The following PLEKHH1 variants were observed in gnomAD, a reference collection of about 807,000 sequenced individuals.
PLEKHH1 encodes pleckstrin homology, MyTH4 and FERM domain containing H1.
In PLEKHH1, 104 loss-of-function variants were observed where a neutral mutation model predicts 160.0. The observed-to-expected ratio is 0.65, with a 90% CI of 0.55 to 0.76. PLEKHH1 has a LOEUF of 0.76. Among genes scored for constraint, PLEKHH1 ranks in the 30% least tolerant of loss-of-function variants. The pLI, the probability that PLEKHH1 is intolerant of heterozygous loss-of-function variation, is 0.00. For synonymous variants in PLEKHH1, 619 were observed against 678.4 expected, an observed-to-expected ratio of 0.91 and a Z score of 1.36; for missense variants, 1,427 against 1,724.1, an observed-to-expected ratio of 0.83 and a Z score of 3.05.
Position 67,578,672 on chromosome 14 carries a change from C to T in PLEKHH1, c.2849+41C>T, listed in dbSNP as rs754595543. On this transcript the variant is annotated intron_variant, in intron 20 of 28. Transcript: ENST00000329153. The surrounding 1 kb of genome is among the most constrained non-coding windows in gnomAD (Gnocchi z 5.0). ...CGTTTCCTCTGCCACTTGAGCACTG[C>T]CAACTGCCGCATGAATAAGAGGGAT... is the stretch of plus-strand genomic sequence containing the variant. The T allele has an allele frequency of 9.7e-6, 12 of 1,231,584 alleles. No individual in the cohort carries two copies. Among genetic ancestry groups the T allele is most frequent in the Admixed American group, 2.0e-5 (1 of 51,148 alleles). 76.3% of individuals were successfully genotyped at this position (1,231,584 alleles called of 1,614,324 possible).
In PLEKHH1 at chr14:67,574,938, G is replaced by A. The variant is rs1473205915; in HGVS notation, c.2089-454G>A. 6.6e-6 allele frequency among the ~76,000 whole-genome samples: 1 copy of A among 152,202 alleles called. No individual in the cohort carries two copies. Among genetic ancestry groups the A allele is most frequent in the African/African-American group, 2.4e-5 (1 of 41,440 alleles). ...ACTTGCACTCAGCAAGCTCAGGGCT[G>A]GCAGGCTCGCTGTGTGGCTCTGCTT... On this transcript the variant is annotated intron_variant, in intron 14 of 28. Coordinates refer to ENST00000329153, the MANE Select transcript of PLEKHH1 (RefSeq NM_020715.3). This position sits in a 1 kb window ranked among gnomAD's most constrained non-coding sequence, Gnocchi z 4.2.
intron 4 of PLEKHH1, among the ~76,000 whole-genome samples, chr14:67,558,300 C>T (rs2034677680): frequency 6.6e-6 from 1 of 152,192 alleles, no homozygotes; most frequent in African/African-American, 2.4e-5. Context: ...CATGCCTTCT[C>T]CATGTAGGAG....
At chr14:67,550,972 A>G (rs185188529) in intron 2 of PLEKHH1, among the ~76,000 whole-genome samples, 186 of 152,372 alleles carry the variant, frequency 1.2e-3, no homozygotes, top group Admixed American at 2.0e-3. Context: ...ATGCATGTAC[A>G]GTGCTTATGA....
Position 67,580,937 on chromosome 14 carries a change from G to A in PLEKHH1, c.3184-1G>A, listed in dbSNP as rs1222931519. 1 of 1,606,176 alleles carries A rather than the reference G, an allele frequency of 6.2e-7. No homozygotes were observed. The highest frequency in any genetic ancestry group is 1.1e-5 in the South Asian group (1 of 90,926). On this transcript the variant is annotated splice_acceptor_variant, in intron 22 of 28. Transcript: ENST00000329153. LOFTEE classifies it high-confidence loss of function. ...TGACTTTCTTCTTTTGCCTTTTCAA[G>A]ATCTGTGATGCCATCTCCAAGTGGG...
chr14:67,535,810 C>G (rs1457475297), intron 1 of PLEKHH1, among the ~76,000 whole-genome samples: 1 of 152,200 alleles, frequency 6.6e-6, no homozygotes, highest in African/African-American at 2.4e-5. Context: ...GTAATATCTC[C>G]TTTAATTCTC....
intron 28 of PLEKHH1, chr14:67,586,861 A>C (rs1443737039): frequency 8.6e-6 from 13 of 1,510,486 alleles, no homozygotes; most frequent in Non-Finnish European, 8.8e-7. Context: ...GGCACTGTGC[A>C]TCTGAGAGGA....
chr14:67,573,400 C>T lies in PLEKHH1; in HGVS notation c.1839+14C>T, dbSNP rs754452208. ...TACAAGTCCCCGGTGAGAGTCTCCC[C>T]GCCCAGCACTGCAGTCAAAAGGTCT... On this transcript the variant is annotated intron_variant, in intron 12 of 28. Transcript: ENST00000329153. The surrounding 1 kb of genome is among the most constrained non-coding windows in gnomAD (Gnocchi z 4.8). 12 of 1,448,440 alleles carry T rather than the reference C, an allele frequency of 8.3e-6. No homozygotes were observed. Among genetic ancestry groups the T allele is most frequent in the East Asian group, 6.8e-5 (3 of 44,130 alleles). The allele number at this position is 1,448,440 out of a possible 1,614,324, so 89.7% of individuals were successfully genotyped here. A position where few individuals can be genotyped will look rare whatever the true frequency, so the allele number is the denominator to read the frequency against.
intron 2 of PLEKHH1, among the ~76,000 whole-genome samples, chr14:67,546,390 G>GTTTTGT (rs562112552): frequency 1.3e-4 from 19 of 151,892 alleles, no homozygotes; most frequent in Non-Finnish European, 2.2e-4. Flanking sequence ...TGTGTTTTTT[G>GTTTTGT]TTTTGTTTTT....
rs2035381993 is a variant in PLEKHH1, at chr14:67,571,675, C to T, written c.1435-77C>T. 8 of 1,481,298 alleles carry T rather than the reference C, an allele frequency of 5.4e-6. 1 individual carries two copies. The South Asian group carries it at 5.7e-5, about 11-fold the overall frequency. The allele number at this position is 1,481,298 out of a possible 1,614,324, so 91.8% of individuals were successfully genotyped here. On this transcript the variant is annotated intron_variant, in intron 9 of 28. Transcript: ENST00000329153. ...TTGGCCACACCATGGGCACTTGGAC[C>T]AGGAGTGCAAGCTGCAGGGTTGGGA... is the stretch of plus-strand genomic sequence containing the variant.
rs774656963 is a variant in PLEKHH1, at chr14:67,576,362, G to A, written c.2353-33G>A. The A allele has an allele frequency of 2.6e-5, 32 of 1,246,742 alleles. No individual in the cohort carries two copies. Among genetic ancestry groups the A allele is most frequent in the African/African-American group, 4.4e-5 (3 of 67,772 alleles). The allele number at this position is 1,246,742 out of a possible 1,614,324, so 77.2% of individuals were successfully genotyped here. A position where few individuals can be genotyped will look rare whatever the true frequency, so the allele number is the denominator to read the frequency against. ...CTCTTGCCTCCACTCTTCCCACCCC[G>A]TCCCCATCCGATGGCTTTCCGCCCT... On this transcript the variant is annotated intron_variant, in intron 16 of 28. Coordinates refer to ENST00000329153, the MANE Select transcript of PLEKHH1 (RefSeq NM_020715.3). This position sits in a 1 kb window ranked among gnomAD's most constrained non-coding sequence, Gnocchi z 4.0.
chr14:67,537,971 G>C (rs1480555152), intron 1 of PLEKHH1, among the ~76,000 whole-genome samples: 1 of 152,194 alleles, frequency 6.6e-6, no homozygotes, highest in Non-Finnish European at 1.5e-5. Context: ...TAGCAGGCTG[G>C]GTGCCAGCAG....
intron 2 of PLEKHH1, among the ~76,000 whole-genome samples, chr14:67,555,536 G>A (rs931740625): frequency 6.6e-6 from 1 of 152,136 alleles, no homozygotes; most frequent in Non-Finnish European, 1.5e-5. Context: ...AATGACAGTG[G>A]AGCTGCTGCC....
chr14:67,585,647 A>C lies in PLEKHH1; in HGVS notation c.3779A>C (p.Asn1260Thr), dbSNP rs776435826. 10 of 1,562,190 alleles carry C rather than the reference A, an allele frequency of 6.4e-6. No individual in the cohort carries two copies. The Admixed American group carries it at 1.5e-4, about 23-fold the overall frequency. ...GATGGCGTCAGCATCCTGGACCACA[A>C]CACTATGGTATGAAAGGATGCAGGC... is the stretch of plus-strand genomic sequence containing the variant. The part of the protein sequence containing the change: ...NEDGVSILDH[N>T]TMQVHITYPY... The change falls in exon 27 of 29, where the codon AAC becomes ACC. Residue 1260 changes from asparagine to threonine, a missense_variant. Physicochemically the swap from Asn to Thr is moderately conservative, Grantham distance 65. Around this residue, in one of 6 missense-constraint regions of PLEKHH1, gnomAD observed 56 missense variants for 53.0 expected, o/e 1.06. Transcript: ENST00000329153.
intron 28 of PLEKHH1, chr14:67,586,357 A>G: frequency 7.0e-7 from 1 of 1,425,466 alleles, no homozygotes; most frequent in Non-Finnish European, 9.3e-7. Flanking sequence ...TTTCTTTTTT[A>G]TTCTCTCAAG....
At position 67,588,515 on chromosome 14, in the gene PLEKHH1, T is replaced by C. The variant is rs1198817811; in HGVS notation, c.*1280T>C. The C allele has an allele frequency of 1.3e-5, 2 of 152,140 alleles. No homozygotes were observed. The highest frequency in any genetic ancestry group is 2.9e-5 in the Non-Finnish European group (2 of 68,028). 9.4% of individuals were successfully genotyped at this position (152,140 alleles called of 1,614,324 possible). ...AAAAAGTTTCTTTCATCTTTTGCCT[T>C]ACTGATAATACCATAATCCCCCTCA... is the stretch of plus-strand genomic sequence containing the variant. On this transcript the variant is annotated 3_prime_UTR_variant, in exon 29 of 29. Coordinates refer to ENST00000329153, the MANE Select transcript of PLEKHH1 (RefSeq NM_020715.3).
Position 67,578,309 on chromosome 14 carries a change from G to A in PLEKHH1, c.2751+110G>A, listed in dbSNP as rs1482398342. 5.2e-6 allele frequency: 5 copies of A among 967,162 alleles called. No individual in the cohort carries two copies. In the African/African-American group the frequency reaches 6.4e-5, roughly 12 times the overall value. The allele number at this position is 967,162 out of a possible 1,614,324, so 59.9% of individuals were successfully genotyped here. On this transcript the variant is annotated intron_variant, in intron 19 of 28. Coordinates refer to ENST00000329153, the MANE Select transcript of PLEKHH1 (RefSeq NM_020715.3). This position sits in a 1 kb window ranked among gnomAD's most constrained non-coding sequence, Gnocchi z 5.0. ...GGTATACGGTGAGCCCAGCCAGCGG[G>A]CAGCCTCTGTGCTCCAAGCTGCATC...
At chr14:67,561,905 T>C (rs2034853178) in intron 5 of PLEKHH1, 49 bp from the exon 6 acceptor site, 1 of 1,264,172 alleles carries the variant, frequency 7.9e-7, no homozygotes, top group South Asian at 1.2e-5. Flanking sequence ...AAAATACATC[T>C]AAACCTGTAG....
chr14:67,548,940 C>G (rs990882997), intron 2 of PLEKHH1, among the ~76,000 whole-genome samples: 1 of 152,218 alleles, frequency 6.6e-6, no homozygotes, highest in East Asian at 1.9e-4. Flanking sequence ...TGTTTACTCC[C>G]CTTAAGCAAG....
Position 67,562,754 on chromosome 14 carries a change from G to A in PLEKHH1, c.1123G>A (p.Glu375Lys). The A allele has an allele frequency of 6.2e-7, 1 of 1,613,856 alleles. No individual in the cohort carries two copies. Among genetic ancestry groups the A allele is most frequent in the Non-Finnish European group, 8.5e-7 (1 of 1,179,870 alleles). ...ESRARSREEP[E>K]KMEMEEPPPA... ...CCGAGCTAGGTCCCGGGAGGAACCAGAGAAGATGGAGATGGAGGAGCCACC... is the reference window on the plus strand; with the variant it reads ...CCGAGCTAGGTCCCGGGAGGAACCAAAGAAGATGGAGATGGAGGAGCCACC... The change falls in exon 7 of 29, where the codon GAG becomes AAG. Residue 375 changes from glutamate (E) to lysine (K), a missense_variant. Glu to Lys is a moderately conservative substitution (Grantham distance 56). This residue lies in a region of PLEKHH1 where 831 missense variants were observed against 929.2 expected (regional missense o/e 0.89). Coordinates refer to ENST00000329153, the MANE Select transcript of PLEKHH1 (RefSeq NM_020715.3).
Sources: gnomAD v4.1 joint callset for allele counts (sites outside exome capture counted in the v4.1 genomes callset) on GRCh38, gnomAD v4.1.1 for gene constraint, gnomAD v4.1.1 regional missense constraint, Gnocchi (gnomAD v3.1) non-coding constraint, MANE v1.5 for transcripts, NCBI Gene and HGNC (gene_info 2026-07-23, HGNC 2026-07-21) for gene names.